KIF13A: variants seen among roughly 807,000 people sequenced by gnomAD.
KIF13A encodes kinesin-like protein KIF13A.
Under a neutral mutation model 212.2 loss-of-function variants are expected in KIF13A, and 79 were observed. That is an observed-to-expected ratio of 0.37 (90% CI 0.31 to 0.45). The LOEUF (loss-of-function observed/expected upper bound fraction) is 0.45. KIF13A is among the 20% of genes least tolerant of loss of function. The pLI, the probability that KIF13A is intolerant of heterozygous loss-of-function variation, is 1.00. For synonymous variants in KIF13A, 789 were observed against 808.6 expected, an observed-to-expected ratio of 0.98 and a Z score of 0.41; for missense variants, 1,901 against 2,209.0, an observed-to-expected ratio of 0.86 and a Z score of 2.79.
intron 12 of KIF13A, among the ~76,000 whole-genome samples, chr6:17,832,108 CA>C (rs1472375925): frequency 6.6e-6 from 1 of 152,038 alleles, no homozygotes; most frequent in Non-Finnish European, 1.5e-5. Context: ...AGAAACACAT[CA>C]GCAGAAGGCT....
chr6:17,882,699 C>T lies in KIF13A; in HGVS notation c.160-9262G>A, dbSNP rs375873885. On this transcript the variant is annotated intron_variant, in intron 3 of 38. Transcript: ENST00000259711. ...GCCTCAGCCTCCTGAGTAGCTGGGA[C>T]TACAGCTGCCCACTACCACGCCTGG... Among the ~76,000 whole-genome samples, 25 of 152,028 alleles carry T rather than the reference C, an allele frequency of 1.6e-4. No individual in the cohort carries two copies. In the South Asian group the frequency reaches 2.5e-3, roughly 15 times the overall value.
At chr6:17,779,567 C>T (rs376637247) in intron 32 of KIF13A, 25 bp downstream of exon 32, 117 of 1,083,292 alleles carry the variant, frequency 1.1e-4, no homozygotes, top group Middle Eastern at 8.6e-4. Context: ...CCACTGCGCC[C>T]GGCCTAAAGT....
intron 2 of KIF13A, among the ~76,000 whole-genome samples, chr6:17,930,464 A>T (rs1775893148): frequency 6.6e-6 from 1 of 152,218 alleles, no homozygotes; most frequent in South Asian, 2.1e-4. Context: ...AATTTCCTGG[A>T]AACAGGGTAA....
At position 17,900,489 on chromosome 6, in the gene KIF13A, T is replaced by C. The variant is rs1382081400; in HGVS notation, c.147-2309A>G. Among the ~76,000 whole-genome samples the C allele has an allele frequency of 6.6e-6, 1 of 152,218 alleles. No homozygotes were observed. Among genetic ancestry groups the C allele is most frequent in the Admixed American group, 6.5e-5 (1 of 15,288 alleles). On this transcript the variant is annotated intron_variant, in intron 2 of 38. Coordinates refer to ENST00000259711, the MANE Select transcript of KIF13A (RefSeq NM_022113.6). The surrounding 1 kb of genome is among the most constrained non-coding windows in gnomAD (Gnocchi z 4.6). ...AATATAATTCTGCTACCTTCTTTTG[T>C]GTTTCTGAATAAATGCTTGTTAAGA...
intron 2 of KIF13A, among the ~76,000 whole-genome samples, chr6:17,955,389 C>T (rs1243246662): frequency 6.6e-6 from 1 of 152,206 alleles, no homozygotes; most frequent in Admixed American, 6.5e-5. Flanking sequence ...TTGTGAAGTG[C>T]TCCCTTGAGT....
chr6:17,850,262 C>T lies in KIF13A; in HGVS notation c.717+61G>A. 1 of 1,507,320 alleles carries T rather than the reference C, an allele frequency of 6.6e-7. No individual in the cohort carries two copies. The highest frequency in any genetic ancestry group is 8.9e-7 in the Non-Finnish European group (1 of 1,118,684). The allele number at this position is 1,507,320 out of a possible 1,614,324, so 93.4% of individuals were successfully genotyped here. A position where few individuals can be genotyped will look rare whatever the true frequency, so the allele number is the denominator to read the frequency against. ...TGAACCCAACCATGAAAGACTTTACCTATATGGACACTTTCAGTTCTTCCA... is the reference window on the plus strand; with the variant it reads ...TGAACCCAACCATGAAAGACTTTACTTATATGGACACTTTCAGTTCTTCCA... On this transcript the variant is annotated intron_variant, in intron 8 of 38. Transcript: ENST00000259711. This position sits in a 1 kb window ranked among gnomAD's most constrained non-coding sequence, Gnocchi z 6.2.
chr6:17,876,297 T>C (rs1770552291), intron 3 of KIF13A, among the ~76,000 whole-genome samples: 1 of 152,194 alleles, frequency 6.6e-6, no homozygotes, highest in Non-Finnish European at 1.5e-5. Context: ...TGGCCTGGCA[T>C]TTGAGACTAG....
chr6:17,801,383 T>C (rs1762462282), intron 20 of KIF13A, among the ~76,000 whole-genome samples: 1 of 151,972 alleles, frequency 6.6e-6, no homozygotes, highest in South Asian at 2.1e-4. Flanking sequence ...GTCATACCTG[T>C]AGTCCCAGCT....
chr6:17,867,678 T>A (rs1769547405), intron 4 of KIF13A, among the ~76,000 whole-genome samples: 1 of 152,206 alleles, frequency 6.6e-6, no homozygotes, highest in African/African-American at 2.4e-5. Flanking sequence ...GAAAAAAGAC[T>A]TCATTCAAAC....
intron 2 of KIF13A, among the ~76,000 whole-genome samples, chr6:17,929,850 C>A (rs1431045253): frequency 6.6e-6 from 1 of 152,162 alleles, no homozygotes; most frequent in Non-Finnish European, 1.5e-5. Context: ...CCTGGTTTTA[C>A]CTTTCTGACC....
At chr6:17,802,874 G>A (rs919881262) in intron 20 of KIF13A, among the ~76,000 whole-genome samples, 1 of 151,762 alleles carries the variant, frequency 6.6e-6, no homozygotes, top group Non-Finnish European at 1.5e-5. Flanking sequence ...CTCCTGAGTA[G>A]CTGGTGGGAC....
At chr6:17,791,901 CAAAAAAAA>C (rs57423111) in intron 25 of KIF13A, among the ~76,000 whole-genome samples, 15 of 89,968 alleles carry the variant, frequency 1.7e-4, no homozygotes, top group African/African-American at 7.1e-4. Flanking sequence ...GACTCTGTCT[CAAAAAAAA>C]AAAAAAAAAA....
intron 2 of KIF13A, among the ~76,000 whole-genome samples, chr6:17,922,504 A>G (rs1335645989): frequency 6.6e-6 from 1 of 152,164 alleles, no homozygotes; most frequent in Non-Finnish European, 1.5e-5. Flanking sequence ...AGAAGAAAGC[A>G]AGCCCGTGAA....
In KIF13A at chr6:17,781,297, A is replaced by T. The variant is rs1397069126; in HGVS notation, c.3549T>A (p.Asp1183Glu). ...IPVLFLDLNA[D>E]DLSANEQLVG... ...CAAGCTGCTCATTGGCACTGAGGTC[A>T]TCCGCTAACCACATCAGGAGCACAG... The change falls in exon 30 of 39, where the codon GAT (aspartate) becomes GAA (glutamate). Residue 1183 changes from aspartate (D) to glutamate (E), a missense_variant. By Grantham distance (45) the Asp-to-Glu change is conservative. Transcript: ENST00000259711. 1 of 1,604,656 alleles carries T rather than the reference A, an allele frequency of 6.2e-7. No individual in the cohort carries two copies. Among genetic ancestry groups the T allele is most frequent in the South Asian group, 1.1e-5 (1 of 89,476 alleles).
intron 12 of KIF13A, 33 bp from the exon 13 acceptor site, chr6:17,831,268 C>CT: frequency 6.3e-7 from 1 of 1,596,574 alleles, no homozygotes; most frequent in Non-Finnish European, 8.5e-7. Flanking sequence ...GAAGGAAACT[C>CT]TGTTTGTTGT....
chr6:17,842,352 G>A (rs1766609772), intron 9 of KIF13A, among the ~76,000 whole-genome samples: 1 of 151,948 alleles, frequency 6.6e-6, no homozygotes, highest in Non-Finnish European at 1.5e-5. Flanking sequence ...AGCCTGGCCA[G>A]GCTTACATAT....
At chr6:17,880,138 G>A (rs1770922427) in intron 3 of KIF13A, among the ~76,000 whole-genome samples, 1 of 151,938 alleles carries the variant, frequency 6.6e-6, no homozygotes, top group East Asian at 1.9e-4. Context: ...ATTTTTTGTA[G>A]AGATGGGGGC....
intron 12 of KIF13A, among the ~76,000 whole-genome samples, chr6:17,832,806 G>A (rs2150374124): frequency 6.6e-6 from 1 of 151,948 alleles, no homozygotes; most frequent in South Asian, 2.1e-4. Context: ...GAGCTCAGGA[G>A]TTTGAGATCA....
At chr6:17,973,876 G>A (rs1202476100) in intron 2 of KIF13A, among the ~76,000 whole-genome samples, 1 of 152,154 alleles carries the variant, frequency 6.6e-6, no homozygotes, top group Non-Finnish European at 1.5e-5. Flanking sequence ...CAGGGAACTG[G>A]AGCCCACAAC....
Sources: allele counts gnomAD v4.1 joint callset (sites outside exome capture counted in the v4.1 genomes callset), GRCh38; gene constraint gnomAD v4.1.1; non-coding constraint Gnocchi (gnomAD v3.1); transcripts MANE v1.5; gene names NCBI Gene and HGNC (gene_info 2026-07-23, HGNC 2026-07-21).